Variants in PPM1L observed in about 807,000 individuals in gnomAD.
The protein encoded by PPM1L is protein phosphatase 1L.
In PPM1L, 13 loss-of-function variants were observed where a neutral mutation model predicts 31.4. The ratio of observed to expected loss-of-function variants is 0.41; its 90% confidence interval spans 0.27 to 0.66. The LOEUF is 0.66. Among genes scored for constraint, PPM1L ranks in the 30% least tolerant of loss-of-function variants. The pLI, the probability that PPM1L is intolerant of heterozygous loss-of-function variation, is 0.29. For missense variants in PPM1L, 326 were observed against 453.7 expected, an observed-to-expected ratio of 0.72 and a Z score of 2.56; for synonymous variants, 184 against 175.4, an observed-to-expected ratio of 1.05 and a Z score of -0.39.
intron 1 of PPM1L, among the ~76,000 whole-genome samples, chr3:160,830,886 A>G (rs547353253): frequency 4.9e-4 from 74 of 152,344 alleles, no homozygotes; most frequent in African/African-American, 1.7e-3. Context: ...AAACTATTTA[A>G]AGCAGCTTTC....
chr3:161,061,998 C>T (rs895485640), intron 2 of PPM1L, among the ~76,000 whole-genome samples: 1 of 152,208 alleles, frequency 6.6e-6, no homozygotes, highest in Non-Finnish European at 1.5e-5. Flanking sequence ...TACCTCTGTG[C>T]TCTACCATCC....
intron 2 of PPM1L, among the ~76,000 whole-genome samples, chr3:160,964,737 C>T (rs1163553959): frequency 6.6e-6 from 1 of 151,960 alleles, no homozygotes; most frequent in Non-Finnish European, 1.5e-5. Flanking sequence ...TGCCTTTGCT[C>T]ATCTCTGCAT....
rs1269340973 is a variant in PPM1L at position 161,070,019 on chromosome 3, C to T, written c.*862C>T. On this transcript the variant is annotated 3_prime_UTR_variant, in exon 4 of 4. Coordinates refer to ENST00000498165, the MANE Select transcript of PPM1L (RefSeq NM_139245.4). Reference sequence around the variant, plus strand: ...AAAGCAAGCCACAATACCATGATTCCTTCCATTTTCAACAGTAGATGAAGG... The same window carrying T: ...AAAGCAAGCCACAATACCATGATTCTTTCCATTTTCAACAGTAGATGAAGG... 1 of 152,148 alleles carries T rather than the reference C, an allele frequency of 6.6e-6. No homozygotes were observed. The highest frequency in any genetic ancestry group is 1.9e-4 in the East Asian group (1 of 5,198). 9.4% of individuals were successfully genotyped at this position (152,148 alleles called of 1,614,324 possible).
intron 1 of PPM1L, among the ~76,000 whole-genome samples, chr3:160,829,935 C>A (rs1163664665): frequency 6.6e-6 from 1 of 152,166 alleles, no homozygotes; most frequent in Admixed American, 6.5e-5. Context: ...CATGCTGCAC[C>A]TCAACTTGCA....
intron 2 of PPM1L, among the ~76,000 whole-genome samples, chr3:160,967,385 T>C (rs1459549129): frequency 6.6e-6 from 1 of 152,046 alleles, no homozygotes; most frequent in African/African-American, 2.4e-5. Context: ...ACTTTATTTC[T>C]CACAGTTCTG....
rs534778293 is a variant in PPM1L, at chr3:160,944,782, A to G, written c.400-16954A>G. Among the ~76,000 whole-genome samples the G allele has an allele frequency of 6.2e-4, 39 of 62,846 alleles. 4 individuals are homozygous for G. The highest frequency in any genetic ancestry group is 1.8e-3 in the African/African-American group (38 of 21,472). 41.2% of individuals were successfully genotyped at this position (62,846 alleles called of 152,430 possible). ...TTATATATAACATGTTATATATTATATTATATATGTTATATATAACATATA... is the reference window on the plus strand; with the variant it reads ...TTATATATAACATGTTATATATTATGTTATATATGTTATATATAACATATA... On this transcript the variant is annotated intron_variant, in intron 1 of 3. Coordinates refer to ENST00000498165, the MANE Select transcript of PPM1L (RefSeq NM_139245.4).
chr3:160,991,380 T>TGGTGTA (rs1290293583), intron 2 of PPM1L, among the ~76,000 whole-genome samples: 2 of 152,206 alleles, frequency 1.3e-5, no homozygotes, highest in Non-Finnish European at 2.9e-5. Flanking sequence ...AAGATGGTGA[T>TGGTGTA]GGTGTAGTTA....
At chr3:160,918,489 G>A (rs1332519420) in intron 1 of PPM1L, among the ~76,000 whole-genome samples, 4 of 152,140 alleles carry the variant, frequency 2.6e-5, no homozygotes, top group Non-Finnish European at 4.4e-5. Flanking sequence ...TTAGAGTAAG[G>A]TGTCTTTAAG....
At chr3:160,879,409 A>G (rs1182283560) in intron 1 of PPM1L, among the ~76,000 whole-genome samples, 2 of 152,108 alleles carry the variant, frequency 1.3e-5, no homozygotes, top group Non-Finnish European at 2.9e-5. Context: ...CCTCAAGTGG[A>G]GGGAAGTGTC....
intron 2 of PPM1L, among the ~76,000 whole-genome samples, chr3:161,026,878 T>G (rs1024845396): frequency 3.3e-5 from 5 of 152,314 alleles, no homozygotes; most frequent in Admixed American, 6.5e-5. Flanking sequence ...TGGAGGCTAT[T>G]GCTCTTTGGA....
chr3:160,814,550 C>CACACA (rs1712913727), intron 1 of PPM1L, among the ~76,000 whole-genome samples: 1 of 81,618 alleles, frequency 1.2e-5, no homozygotes, highest in Non-Finnish European at 2.4e-5. Context: ...TGTATATATA[C>CACACA]ACACACACAT....
intron 2 of PPM1L, among the ~76,000 whole-genome samples, chr3:161,060,317 G>A (rs980622080): frequency 6.6e-6 from 1 of 152,104 alleles, no homozygotes; most frequent in Non-Finnish European, 1.5e-5. Context: ...CAAAAAGGTT[G>A]GCATGTATGG....
chr3:160,913,053 G>A (rs539661937), intron 1 of PPM1L, among the ~76,000 whole-genome samples: 1 of 152,250 alleles, frequency 6.6e-6, no homozygotes, highest in Non-Finnish European at 1.5e-5. Flanking sequence ...TAGATGGGAT[G>A]CCCTGTGGAC....
At chr3:161,014,539 A>G (rs1340443242) in intron 2 of PPM1L, among the ~76,000 whole-genome samples, 5 of 146,616 alleles carry the variant, frequency 3.4e-5, no homozygotes, top group Non-Finnish European at 7.4e-5. Flanking sequence ...CAGTGGCACG[A>G]TCTCAGCTCA....
At chr3:160,797,491 A>G (rs1712284724) in intron 1 of PPM1L, among the ~76,000 whole-genome samples, 1 of 152,214 alleles carries the variant, frequency 6.6e-6, no homozygotes, top group African/African-American at 2.4e-5. Context: ...CACGTCTCTC[A>G]CTTTAAATCA....
At chr3:160,947,727 C>T (rs1233355056) in intron 1 of PPM1L, among the ~76,000 whole-genome samples, 1 of 152,164 alleles carries the variant, frequency 6.6e-6, no homozygotes, top group Non-Finnish European at 1.5e-5. Context: ...GTGACAAGCC[C>T]TCCAAGCCTG....
intron 2 of PPM1L, among the ~76,000 whole-genome samples, chr3:160,982,593 G>A (rs1716835188): frequency 6.6e-6 from 1 of 152,134 alleles, no homozygotes; most frequent in Non-Finnish European, 1.5e-5. Flanking sequence ...TCACTTTAAT[G>A]TTCGACCCAG....
At chr3:160,916,245 C>T (rs12633850) in intron 1 of PPM1L, among the ~76,000 whole-genome samples, 2,236 of 151,958 alleles carry the variant, frequency 0.015, 50 homozygotes, top group East Asian at 0.054. Context: ...AAAAAGTGGG[C>T]GAAGGATATG....
At chr3:160,826,049 G>A (rs1713348539) in intron 1 of PPM1L, among the ~76,000 whole-genome samples, 1 of 152,048 alleles carries the variant, frequency 6.6e-6, no homozygotes, top group Admixed American at 6.6e-5. Context: ...GCCTTGACTT[G>A]TTCTGCCTGC....
Sources: gnomAD v4.1 joint callset for allele counts (sites outside exome capture counted in the v4.1 genomes callset) on GRCh38, gnomAD v4.1.1 for gene constraint, MANE v1.5 for transcripts, NCBI Gene and HGNC (gene_info 2026-07-23, HGNC 2026-07-21) for gene names.